The following NKTR variants were observed in gnomAD, a reference collection of about 807,000 sequenced individuals.
NKTR encodes the protein natural killer cell triggering receptor, also known as NK-tumor recognition protein.
In NKTR, 67 loss-of-function variants were observed where a neutral mutation model predicts 156.3. The observed-to-expected ratio is 0.43, with a 90% CI of 0.35 to 0.53. NKTR has a LOEUF of 0.53. Among genes scored for constraint, NKTR ranks in the 20% least tolerant of loss-of-function variants. The pLI is 0.01. For missense variants in NKTR, 1,604 were observed against 1,730.9 expected, an observed-to-expected ratio of 0.93 and a Z score of 1.30; for synonymous variants, 640 against 596.6, an observed-to-expected ratio of 1.07 and a Z score of -1.06.
chr3:42,640,208 G>A (rs1178236307), intron 13 of NKTR, among the ~76,000 whole-genome samples: 1 of 152,106 alleles, frequency 6.6e-6, no homozygotes, highest in Non-Finnish European at 1.5e-5. Flanking sequence ...TGGGGCATAG[G>A]GATAAAAATG....
chr3:42,628,831 G>A (rs1367578734), intron 6 of NKTR: 23 of 323,792 alleles, frequency 7.1e-5, no homozygotes, highest in Middle Eastern at 1.4e-3. Context: ...GTGAAACCCC[G>A]TCTCTACTAA....
At chr3:42,614,660 T>C (rs1707173896) in intron 2 of NKTR, among the ~76,000 whole-genome samples, 1 of 152,220 alleles carries the variant, frequency 6.6e-6, no homozygotes, top group Non-Finnish European at 1.5e-5. Flanking sequence ...GAATTAATAC[T>C]AGGTTACCTC....
intron 2 of NKTR, among the ~76,000 whole-genome samples, chr3:42,610,487 ATTTC>A (rs1706679119): frequency 1.3e-5 from 2 of 152,066 alleles, no homozygotes; most frequent in South Asian, 4.1e-4. Context: ...TGAATGTTGA[ATTTC>A]TTTTTTTTAA....
intron 3 of NKTR, 61 bp downstream of exon 3, chr3:42,617,705 A>T: frequency 2.4e-6 from 2 of 842,468 alleles, no homozygotes; most frequent in Non-Finnish European, 4.0e-6. Context: ...TGCTGAACAG[A>T]ATAGATATTT....
Position 42,638,741 on chromosome 3 carries a change from G to A in NKTR, c.3037G>A (p.Ala1013Thr), listed in dbSNP as rs753100906. ...GCATAAGGCTCCAAAACGAAAGCAAGCATTTCACTGGCAGCCTCCACTAGA... is the reference window on the plus strand; with the variant it reads ...GCATAAGGCTCCAAAACGAAAGCAAACATTTCACTGGCAGCCTCCACTAGA... ...KKHKAPKRKQ[A>T]FHWQPPLEFG... Residue 1013 changes from alanine to threonine, a missense_variant, in exon 13 of 17, where the codon GCA becomes ACA. Ala to Thr is a moderately conservative substitution (Grantham distance 58). Around this residue, in one of 6 missense-constraint regions of NKTR, gnomAD observed 1,255 missense variants for 1,243.7 expected, o/e 1.01. Coordinates refer to ENST00000232978, the MANE Select transcript of NKTR (RefSeq NM_005385.4). 6.2e-7 allele frequency: 1 copy of A among 1,614,088 alleles called. No individual in the cohort carries two copies. Among genetic ancestry groups the A allele is most frequent in the South Asian group, 1.1e-5 (1 of 91,064 alleles).
Position 42,629,491 on chromosome 3 carries a change from T to G in NKTR, c.375-1055T>G, listed in dbSNP as rs1708698587. The G allele has an allele frequency of 6.2e-6, 6 of 975,048 alleles. No individual in the cohort carries two copies. In the South Asian group the frequency reaches 2.4e-4, roughly 39 times the overall value. The allele number at this position is 975,048 out of a possible 1,614,324, so 60.4% of individuals were successfully genotyped here. The stretch of plus-strand genomic sequence containing the variant: ...TGTTACGAAGGTTAAAAACTGGGTT[T>G]TGTTCACTTACATGTCTTAAAATTG... On this transcript the variant is annotated intron_variant, in intron 6 of 16. Transcript: ENST00000232978.
At chr3:42,635,796 A>G (rs1236011877) in intron 12 of NKTR, among the ~76,000 whole-genome samples, 4 of 152,212 alleles carry the variant, frequency 2.6e-5, no homozygotes, top group African/African-American at 9.6e-5. Context: ...AGTCCCAGCT[A>G]CTTAGAGAGG....
At chr3:42,617,889 C>T (rs1707530043) in intron 3 of NKTR, among the ~76,000 whole-genome samples, 1 of 152,038 alleles carries the variant, frequency 6.6e-6, no homozygotes, top group East Asian at 1.9e-4. Context: ...ATAATGGAAT[C>T]TTCTCTATAC....
intron 6 of NKTR, among the ~76,000 whole-genome samples, chr3:42,626,050 C>G (rs1464624648): frequency 1.3e-5 from 2 of 152,032 alleles, no homozygotes; most frequent in Non-Finnish European, 2.9e-5. Flanking sequence ...GGTGCCTCTT[C>G]CCTGACAGTG....
chr3:42,601,774 G>C (rs1705505277), intron 2 of NKTR: 1 of 152,150 alleles, frequency 6.6e-6, no homozygotes, highest in Non-Finnish European at 1.5e-5. Flanking sequence ...CGTGACAAAA[G>C]TTTTAATTGG....
At chr3:42,628,105 G>A (rs547428585) in intron 6 of NKTR, 9 of 985,160 alleles carry the variant, frequency 9.1e-6, no homozygotes, top group Non-Finnish European at 1.1e-5. Context: ...GAGAACCCCA[G>A]AGGGCTTCTT....
chr3:42,623,049 TTAAACA>T (rs1186352472), intron 6 of NKTR, among the ~76,000 whole-genome samples: 2 of 152,064 alleles, frequency 1.3e-5, no homozygotes, highest in African/African-American at 4.8e-5. Flanking sequence ...AATGCTATCG[TTAAACA>T]TAAACTAATT....
chr3:42,615,700 C>G (rs1221932893), intron 2 of NKTR, among the ~76,000 whole-genome samples: 1 of 152,126 alleles, frequency 6.6e-6, no homozygotes, highest in Non-Finnish European at 1.5e-5. Context: ...ACAGGGATTG[C>G]AAAGATCTAA....
At chr3:42,644,888 C>T (rs1287146655) in intron 16 of NKTR, among the ~76,000 whole-genome samples, 1 of 152,198 alleles carries the variant, frequency 6.6e-6, no homozygotes, top group East Asian at 1.9e-4. Flanking sequence ...TTTGCTCCTA[C>T]TGTGGCTCCC....
At position 42,638,297 on chromosome 3, in the gene NKTR, C is replaced by T. The variant is rs776165497; in HGVS notation, c.2593C>T (p.Leu865Phe). Reference protein sequence around the residue: ...HSKKRTLKENLSDHLRNGSKP... With the variant: ...HSKKRTLKENFSDHLRNGSKP... Reference sequence around the variant, plus strand: ...AAAAAAAAGAACTTTGAAAGAGAATCTTTCTGATCACCTTAGAAATGGCAG... The same window carrying T: ...AAAAAAAAGAACTTTGAAAGAGAATTTTTCTGATCACCTTAGAAATGGCAG... Residue 865 changes from leucine (L) to phenylalanine (F), a missense_variant, in exon 13 of 17, where the codon CTT becomes TTT. Physicochemically the swap from Leu to Phe is conservative, Grantham distance 22. Coordinates refer to ENST00000232978, the MANE Select transcript of NKTR (RefSeq NM_005385.4). 1 of 1,606,710 alleles carries T rather than the reference C, an allele frequency of 6.2e-7. No individual in the cohort carries two copies. Among genetic ancestry groups the T allele is most frequent in the African/African-American group, 1.3e-5 (1 of 74,298 alleles).
chr3:42,639,537 T>C lies in NKTR; in HGVS notation c.3833T>C (p.Phe1278Ser). Residue 1278 changes from phenylalanine (F) to serine (S), a missense_variant, in exon 13 of 17, where the codon TTT becomes TCT. Transcript: ENST00000232978. ...AATAAAGTTCGGCCTGGGTCTCTCT[T>C]TGATGAAGTAAGAAAGACAGCACGC... The part of the protein sequence containing the change: ...SKNKVRPGSL[F>S]DEVRKTARLN... 6.2e-7 allele frequency: 1 copy of C among 1,614,166 alleles called. No individual in the cohort carries two copies. The highest frequency in any genetic ancestry group is 1.1e-5 in the South Asian group (1 of 91,078).
intron 2 of NKTR, among the ~76,000 whole-genome samples, chr3:42,609,023 G>A (rs1706514251): frequency 6.6e-6 from 1 of 152,112 alleles, no homozygotes; most frequent in Non-Finnish European, 1.5e-5. Flanking sequence ...AGCTACTCAG[G>A]AGGCTAAGGC....
intron 2 of NKTR, among the ~76,000 whole-genome samples, chr3:42,616,317 A>G (rs1238255804): frequency 6.6e-6 from 1 of 152,212 alleles, no homozygotes; most frequent in Non-Finnish European, 1.5e-5. Flanking sequence ...ATTAATTGCA[A>G]ATCAGAATTA....
At position 42,647,376 on chromosome 3, in the gene NKTR, G is replaced by A. The variant is rs1277304539; in HGVS notation, c.*1401G>A. 2 of 149,852 alleles carry A rather than the reference G, an allele frequency of 1.3e-5. No individual in the cohort carries two copies. Among genetic ancestry groups the A allele is most frequent in the African/African-American group, 4.9e-5 (2 of 40,562 alleles). 9.3% of individuals were successfully genotyped at this position (149,852 alleles called of 1,614,324 possible). A position where few individuals can be genotyped will look rare whatever the true frequency, so the allele number is the denominator to read the frequency against. On this transcript the variant is annotated 3_prime_UTR_variant, in exon 17 of 17. Transcript: ENST00000232978. Reference sequence around the variant, plus strand: ...ATCACCTTAGTGCCAGTTTAATCCAGTTATGCAGAAGAAATTCATATTGGT... The same window carrying A: ...ATCACCTTAGTGCCAGTTTAATCCAATTATGCAGAAGAAATTCATATTGGT...
Sources: allele counts gnomAD v4.1 joint callset (sites outside exome capture counted in the v4.1 genomes callset), GRCh38; gene constraint gnomAD v4.1.1; regional missense constraint gnomAD v4.1.1; transcripts MANE v1.5; gene names NCBI Gene and HGNC (gene_info 2026-07-23, HGNC 2026-07-21).